Variants in SLC14A1 observed in about 807,000 individuals in gnomAD.
SLC14A1 encodes urea transporter 1.
In SLC14A1, 36 loss-of-function variants were observed where a neutral mutation model predicts 39.6. The observed-to-expected ratio is 0.91, with a 90% CI of 0.70 to 1.20. SLC14A1 has a LOEUF of 1.20. SLC14A1 is among the 50% of genes most tolerant of loss of function. The pLI is 0.00. For missense variants in SLC14A1, 469 were observed against 478.7 expected (o/e 0.98, Z 0.19); for synonymous variants, 164 against 173.6 (o/e 0.94, Z 0.43).
At chr18:45,728,064 A>G (rs1366747778) in intron 2 of SLC14A1, among the ~76,000 whole-genome samples, 1 of 152,068 alleles carries the variant, frequency 6.6e-6, no homozygotes, top group Non-Finnish European at 1.5e-5. Flanking sequence ...TAGCCCTACA[A>G]CCCATCCCAA....
chr18:45,751,786 A>AATT lies in SLC14A1; in HGVS notation c.*1836_*1837insTTA, dbSNP rs1568053909. On this transcript the variant is annotated 3_prime_UTR_variant, in exon 10 of 10. Transcript: ENST00000321925. Reference sequence around the variant, plus strand: ...GACCGAGCAAGACCCTATCTCAAAAAAATTAATTAATTAATTAATTAATTA... The same window carrying AATT: ...GACCGAGCAAGACCCTATCTCAAAAAATTAATTAATTAATTAATTAATTAATTA... 3.8e-3 allele frequency: 3,197 copies of AATT among 831,764 alleles called. 28 individuals carry two copies. Among genetic ancestry groups the AATT allele is most frequent in the Non-Finnish European group, 4.2e-3 (2,937 of 694,112 alleles). 51.5% of individuals were successfully genotyped at this position (831,764 alleles called of 1,614,324 possible). A position where few individuals can be genotyped will look rare whatever the true frequency, so the allele number is the denominator to read the frequency against.
At chr18:45,737,582 C>T (rs10853535) in intron 6 of SLC14A1, 93,018 of 152,014 alleles carry the variant, frequency 0.61, 29,019 homozygotes, top group East Asian at 0.93. Flanking sequence ...TGCCAGAAAA[C>T]TAAAGGGAGC....
At chr18:45,744,473 A>G (rs2047486168) in intron 8 of SLC14A1, among the ~76,000 whole-genome samples, 1 of 152,236 alleles carries the variant, frequency 6.6e-6, no homozygotes, top group Non-Finnish European at 1.5e-5. Context: ...TTGTCCTCAA[A>G]GACTACTCCA....
At chr18:45,728,616 C>T (rs1169803818) in intron 2 of SLC14A1, among the ~76,000 whole-genome samples, 1 of 152,126 alleles carries the variant, frequency 6.6e-6, no homozygotes, top group African/African-American at 2.4e-5. Context: ...AAATGACAGC[C>T]ACCACTTAGA....
chr18:45,749,765 T>C lies in SLC14A1; in HGVS notation c.997-13T>C. On this transcript the variant is annotated splice_polypyrimidine_tract_variant and intron_variant, in intron 9 of 9. Transcript: ENST00000321925. ...GATCTGAAAGGAGCGTGTGGCTTTC[T>C]CTTCTTCCCCAGGTTGGATTGCCAG... 6.2e-7 allele frequency: 1 copy of C among 1,614,186 alleles called. No homozygotes were observed. Among genetic ancestry groups the C allele is most frequent in the Non-Finnish European group, 8.5e-7 (1 of 1,180,026 alleles).
chr18:45,735,009 A>G (rs2047145727), intron 5 of SLC14A1, among the ~76,000 whole-genome samples: 1 of 152,188 alleles, frequency 6.6e-6, no homozygotes, highest in African/African-American at 2.4e-5. Context: ...GCACATTGAC[A>G]CTTCCATGGG....
intron 5 of SLC14A1, 89 bp from the exon 6 acceptor site, chr18:45,736,367 G>A (rs777272422): frequency 5.7e-5 from 74 of 1,307,228 alleles, no homozygotes; most frequent in Non-Finnish European, 7.9e-5. Flanking sequence ...CCTGTTGGCA[G>A]GTGAAACAAA....
intron 2 of SLC14A1, among the ~76,000 whole-genome samples, chr18:45,725,914 A>G (rs1021343695): frequency 2.0e-5 from 3 of 152,134 alleles, no homozygotes; most frequent in African/African-American, 7.2e-5. Flanking sequence ...AAGGTGTGTG[A>G]TTTTGGTGGT....
At chr18:45,741,209 A>C (rs1016168631) in intron 8 of SLC14A1, 3 of 152,218 alleles carry the variant, frequency 2.0e-5, no homozygotes, top group Admixed American at 6.5e-5. Flanking sequence ...GGATCTGAAA[A>C]GCTAATAGAT....
chr18:45,729,581 T>G (rs1160077364), intron 2 of SLC14A1: 1 of 152,232 alleles, frequency 6.6e-6, no homozygotes, highest in Non-Finnish European at 1.5e-5. Flanking sequence ...CTTTGTCCAA[T>G]TCCATCTTTC....
intron 3 of SLC14A1, 133 bp from the exon 4 acceptor site, chr18:45,730,882 G>C: frequency 1.2e-6 from 1 of 821,648 alleles, no homozygotes; most frequent in South Asian, 1.4e-5. Context: ...AATGGGTTGA[G>C]AGAGAAATAT....
chr18:45,751,216 T>G lies in SLC14A1; in HGVS notation c.*1265T>G. 2.6e-6 allele frequency: 1 copy of G among 380,516 alleles called. No individual in the cohort carries two copies. Among genetic ancestry groups the G allele is most frequent in the Non-Finnish European group, 3.6e-6 (1 of 277,846 alleles). 23.6% of individuals were successfully genotyped at this position (380,516 alleles called of 1,614,324 possible). A position where few individuals can be genotyped will look rare whatever the true frequency, so the allele number is the denominator to read the frequency against. On this transcript the variant is annotated 3_prime_UTR_variant, in exon 10 of 10. Transcript: ENST00000321925. Reference sequence around the variant, plus strand: ...TTAGCCAGGCATGGTGGTGGGTGCCTGTAGTTCCAGCTACTTGGGAGGCTG... The same window carrying G: ...TTAGCCAGGCATGGTGGTGGGTGCCGGTAGTTCCAGCTACTTGGGAGGCTG...
intron 9 of SLC14A1, among the ~76,000 whole-genome samples, chr18:45,749,055 G>T (rs1007694784): frequency 6.6e-6 from 1 of 152,294 alleles, no homozygotes; most frequent in Middle Eastern, 3.4e-3. Context: ...ACCAGAGTCA[G>T]CTAGGAAGAC....
chr18:45,733,777 G>C (rs2144769558), intron 4 of SLC14A1, among the ~76,000 whole-genome samples: 1 of 152,296 alleles, frequency 6.6e-6, no homozygotes, highest in Middle Eastern at 3.4e-3. Flanking sequence ...TGGCCTGTTG[G>C]GAACTGGGCC....
intron 4 of SLC14A1, among the ~76,000 whole-genome samples, chr18:45,732,508 T>C (rs2047061349): frequency 6.6e-6 from 1 of 152,214 alleles, no homozygotes; most frequent in Non-Finnish European, 1.5e-5. Context: ...AAAGAACTTT[T>C]GAATAGGGAA....
intron 8 of SLC14A1, among the ~76,000 whole-genome samples, chr18:45,742,352 G>GTTTTTTTTTTTTTTTTTTT (rs1491390496): frequency 9.5e-6 from 1 of 104,944 alleles, no homozygotes; most frequent in Non-Finnish European, 1.9e-5. Context: ...TTTGTTTTTT[G>GTTTTTTTTTTTTTTTTTTT]GTTTTTTTTT....
At chr18:45,733,117 G>A (rs992482181) in intron 4 of SLC14A1, among the ~76,000 whole-genome samples, 1 of 152,194 alleles carries the variant, frequency 6.6e-6, no homozygotes, top group Non-Finnish European at 1.5e-5. Context: ...AGGGAAACAA[G>A]TGTTGAAAAC....
At chr18:45,748,233 G>T in intron 8 of SLC14A1, 143 bp from the exon 9 acceptor site, 1 of 862,134 alleles carries the variant, frequency 1.2e-6, no homozygotes, top group Non-Finnish European at 2.0e-6. Context: ...GCCAGGATTT[G>T]AACCCAGGAC....
chr18:45,731,669 TA>T, intron 4 of SLC14A1: 1 of 220,536 alleles, frequency 4.5e-6, no homozygotes, highest in Non-Finnish European at 9.2e-6. Flanking sequence ...GAGAAAAGAA[TA>T]ACCATGAATT....
Sources: allele counts gnomAD v4.1 joint callset (sites outside exome capture counted in the v4.1 genomes callset), GRCh38; gene constraint gnomAD v4.1.1; transcripts MANE v1.5; gene names NCBI Gene and HGNC (gene_info 2026-07-23, HGNC 2026-07-21).